Variants in INTS6 observed in about 807,000 individuals in gnomAD.
INTS6 encodes integrator complex subunit 6, also known as DEAD box protein.
INTS6 carries 16 observed loss-of-function variants against 104.9 expected under a neutral mutation model. That is an observed-to-expected ratio of 0.15 (90% CI 0.10 to 0.23). The LOEUF (loss-of-function observed/expected upper bound fraction) is 0.23. INTS6 is among the 10% of genes least tolerant of loss of function. INTS6 has a pLI of 1.00. For missense variants in INTS6, 584 were observed against 1,062.8 expected (o/e 0.55, Z 6.26); for synonymous variants, 324 against 358.7 (o/e 0.90, Z 1.09).
At chr13:51,383,037 C>T (rs981474543) in intron 9 of INTS6, among the ~76,000 whole-genome samples, 6 of 151,720 alleles carry the variant, frequency 4.0e-5, no homozygotes, top group Admixed American at 2.0e-4. Context: ...GCTGAGAATA[C>T]GCCACTGCAC....
chr13:51,367,681 T>C, intron 17 of INTS6, 124 bp downstream of exon 17: 1 of 526,786 alleles, frequency 1.9e-6, no homozygotes, highest in Non-Finnish European at 3.4e-6. Flanking sequence ...AATTTATTTA[T>C]ATGTTGGTAT....
intron 3 of INTS6, chr13:51,448,081 G>C (rs1358451075): frequency 6.6e-6 from 1 of 152,220 alleles, no homozygotes; most frequent in Non-Finnish European, 1.5e-5. Context: ...CATATATATT[G>C]ATGGAAAACA....
chr13:51,421,132 C>G, intron 4 of INTS6: 2 of 985,834 alleles, frequency 2.0e-6, no homozygotes, highest in Non-Finnish European at 2.4e-6. Flanking sequence ...TTTTCTGAGG[C>G]CTTCCGAGAT....
In INTS6 at chr13:51,414,716, C is replaced by T. The variant is rs376093298; in HGVS notation, c.429+15578G>A. Among the ~76,000 whole-genome samples the T allele has an allele frequency of 1.2e-4, 18 of 151,932 alleles. No homozygotes were observed. In the East Asian group the frequency reaches 2.1e-3, roughly 18 times the overall value. On this transcript the variant is annotated intron_variant, in intron 4 of 17. Coordinates refer to ENST00000311234, the MANE Select transcript of INTS6 (RefSeq NM_012141.3). ...TCCTATTTCTCAAATATAATACAGCCGCAGGTCCTATTCATAACATAACAG... is the reference window on the plus strand; with the variant it reads ...TCCTATTTCTCAAATATAATACAGCTGCAGGTCCTATTCATAACATAACAG...
intron 3 of INTS6, among the ~76,000 whole-genome samples, chr13:51,433,347 C>A (rs981153094): frequency 3.9e-5 from 6 of 152,176 alleles, no homozygotes; most frequent in African/African-American, 1.4e-4. Flanking sequence ...ACTCGGGAGG[C>A]CGAAGCAGGA....
intron 5 of INTS6, among the ~76,000 whole-genome samples, chr13:51,392,652 G>A (rs1956264611): frequency 6.6e-6 from 1 of 152,204 alleles, no homozygotes; most frequent in Non-Finnish European, 1.5e-5. Flanking sequence ...AACTTAGGTA[G>A]AATATGCTTT....
Position 51,452,555 on chromosome 13 carries a change from G to A in INTS6, c.-30C>T, listed in dbSNP as rs753225051. ...CTGGCCGGGGACACCGGGGCCCGAG[G>A]TGGTGGAGAAAGAGGAGATGGTAGA... On this transcript the variant is annotated 5_prime_UTR_variant, in exon 1 of 18. Transcript: ENST00000311234. This position sits in a 1 kb window ranked among gnomAD's most constrained non-coding sequence, Gnocchi z 4.2. 1 of 1,605,888 alleles carries A rather than the reference G, an allele frequency of 6.2e-7. No homozygotes were observed. The highest frequency in any genetic ancestry group is 8.5e-7 in the Non-Finnish European group (1 of 1,175,228).
chr13:51,395,672 T>C (rs1206829585), intron 4 of INTS6, among the ~76,000 whole-genome samples, 189 bp from the exon 5 acceptor site: 1 of 152,238 alleles, frequency 6.6e-6, no homozygotes, highest in Non-Finnish European at 1.5e-5. Flanking sequence ...TTCTTAAACT[T>C]ACTTTGAAGA....
chr13:51,369,329 G>A lies in INTS6; in HGVS notation c.2105-19C>T, dbSNP rs1033972470. The A allele has an allele frequency of 7.6e-6, 12 of 1,575,446 alleles. No individual in the cohort carries two copies. The highest frequency in any genetic ancestry group is 1.2e-5 in the South Asian group (1 of 85,554). On this transcript the variant is annotated intron_variant, in intron 15 of 17. Coordinates refer to ENST00000311234, the MANE Select transcript of INTS6 (RefSeq NM_012141.3). ...TCTGAAACTAAAAACAAAGATACGGGGAAAAAATTATGGGATCCAGTCTCA... is the reference window on the plus strand; with the variant it reads ...TCTGAAACTAAAAACAAAGATACGGAGAAAAAATTATGGGATCCAGTCTCA...
Position 51,376,116 on chromosome 13 carries a change from T to C in INTS6, c.1661A>G (p.Asp554Gly). 1.2e-6 allele frequency: 2 copies of C among 1,612,392 alleles called. No individual in the cohort carries two copies. Among genetic ancestry groups the C allele is most frequent in the Non-Finnish European group, 1.7e-6 (2 of 1,179,274 alleles). ...ATTAGATCTCATTCTTGTTAAGTGATCCAAAAGATTTCGTCTTGGTATGTC... is the reference window on the plus strand; with the variant it reads ...ATTAGATCTCATTCTTGTTAAGTGACCCAAAAGATTTCGTCTTGGTATGTC... ...AYDIPRRNLL[D>G]HLTRMRSNLL... The change falls in exon 13 of 18, where the codon GAT (aspartate) becomes GGT (glycine). Residue 554 changes from aspartate (D) to glycine (G), a missense_variant. Around this residue, in one of 5 missense-constraint regions of INTS6, gnomAD observed 296 missense variants for 437.0 expected, o/e 0.68. Coordinates refer to ENST00000311234, the MANE Select transcript of INTS6 (RefSeq NM_012141.3).
At chr13:51,434,476 C>T (rs1957150491) in intron 3 of INTS6, among the ~76,000 whole-genome samples, 1 of 152,000 alleles carries the variant, frequency 6.6e-6, no homozygotes, top group Non-Finnish European at 1.5e-5. Flanking sequence ...TACCAATTAT[C>T]CCGCCATGCC....
At chr13:51,347,261 T>C in the INTS6 span, 1 of 1,601,822 alleles carries the variant, frequency 6.2e-7, no homozygotes, top group East Asian at 2.2e-5. Context: ...CTGGTTTGTC[T>C]AAAGGGAGAG....
At chr13:51,349,582 C>T (rs987734627), downstream of INTS6, among the ~76,000 whole-genome samples, 3 of 152,150 alleles carry the variant, frequency 2.0e-5, no homozygotes, top group Non-Finnish European at 2.9e-5. Context: ...TTCGCCACAA[C>T]CTTTTTGGGT....
At chr13:51,420,757 A>T (rs77116958) in intron 4 of INTS6, among the ~76,000 whole-genome samples, 30 of 114,946 alleles carry the variant, frequency 2.6e-4, no homozygotes, top group Non-Finnish European at 2.0e-4. Flanking sequence ...TAGCTAAATT[A>T]AAAAAAAAAA....
the INTS6 span, among the ~76,000 whole-genome samples, chr13:51,337,458 C>G: frequency 6.6e-6 from 1 of 152,202 alleles, no homozygotes; most frequent in Non-Finnish European, 1.5e-5. Flanking sequence ...AAAGTGAACA[C>G]GCATTACGAG....
chr13:51,342,178 CAAAAAAAAA>C, the INTS6 span, among the ~76,000 whole-genome samples: 3 of 63,582 alleles, frequency 4.7e-5, no homozygotes, highest in South Asian at 6.3e-4. Flanking sequence ...AAAGACAGAA[CAAAAAAAAA>C]AAAAAAAAAA....
At chr13:51,419,734 AACTGAATACTCTCT>A (rs1034965066) in intron 4 of INTS6, among the ~76,000 whole-genome samples, 4 of 152,316 alleles carry the variant, frequency 2.6e-5, no homozygotes, top group Non-Finnish European at 4.4e-5. Flanking sequence ...TGTTCACTTT[AACTGAATACTCTCT>A]ACTAGTGGTG....
At chr13:51,387,833 A>T (rs1392995888) in intron 6 of INTS6, among the ~76,000 whole-genome samples, 1 of 152,172 alleles carries the variant, frequency 6.6e-6, no homozygotes. Context: ...TACGGTGAAT[A>T]TCTGTTTGAT....
At chr13:51,389,207 C>T in intron 6 of INTS6, 112 bp downstream of exon 6, 2 of 1,057,176 alleles carry the variant, frequency 1.9e-6, no homozygotes, top group South Asian at 1.7e-5. Flanking sequence ...GCCTTTCTGT[C>T]TTAATAATTT....
Sources: gnomAD v4.1 joint callset for allele counts (sites outside exome capture counted in the v4.1 genomes callset) on GRCh38, gnomAD v4.1.1 for gene constraint, gnomAD v4.1.1 regional missense constraint, Gnocchi (gnomAD v3.1) non-coding constraint, MANE v1.5 for transcripts, NCBI Gene and HGNC (gene_info 2026-07-23, HGNC 2026-07-21) for gene names.